The following CAB39 variants were observed in gnomAD, a reference collection of about 807,000 sequenced individuals.
CAB39 encodes calcium-binding protein 39.
CAB39 carries 8 observed loss-of-function variants against 40.0 expected under a neutral mutation model. The observed-to-expected ratio is 0.20, with a 90% CI of 0.12 to 0.36. The LOEUF is 0.36. Among genes scored for constraint, CAB39 ranks in the 10% least tolerant of loss-of-function variants. The pLI is 1.00. For synonymous variants in CAB39, 156 were observed against 141.6 expected (o/e 1.10, Z -0.72); for missense variants, 270 against 401.1 (o/e 0.67, Z 2.79).
rs1396361762 is a variant in CAB39, at chr2:230,742,577, AT to A, written c.-43-17381del. Among the ~76,000 whole-genome samples the A allele has an allele frequency of 5.3e-3, 804 of 151,518 alleles. 2 individuals are homozygous for A. Among genetic ancestry groups the A allele is most frequent in the African/African-American group, 0.014 (593 of 41,156 alleles). On this transcript the variant is annotated intron_variant, in intron 1 of 8. Transcript: ENST00000258418. Reference sequence around the variant, plus strand: ...TATTTGCAAAAAAAAAAAAAAAAAAATCTAAACAGCCAAAGGGATAATGTTC... The same window carrying A: ...TATTTGCAAAAAAAAAAAAAAAAAAACTAAACAGCCAAAGGGATAATGTTC...
chr2:230,760,373 T>C (rs1388832209), intron 2 of CAB39, among the ~76,000 whole-genome samples: 1 of 152,202 alleles, frequency 6.6e-6, no homozygotes, highest in Non-Finnish European at 1.5e-5. Flanking sequence ...TTCTAATTTA[T>C]TTATTTATTA....
At chr2:230,764,716 A>G (rs1478058566) in intron 2 of CAB39, among the ~76,000 whole-genome samples, 2 of 152,234 alleles carry the variant, frequency 1.3e-5, no homozygotes, top group Non-Finnish European at 2.9e-5. Flanking sequence ...GGTTCATTTT[A>G]TTCATTTTAG....
At chr2:230,807,152 A>C (rs544610535) in intron 5 of CAB39, among the ~76,000 whole-genome samples, 1 of 152,212 alleles carries the variant, frequency 6.6e-6, no homozygotes, top group South Asian at 2.1e-4. Flanking sequence ...CATGCACCCT[A>C]AACTTTGCAG....
At chr2:230,792,565 T>C (rs1199578181) in intron 3 of CAB39, among the ~76,000 whole-genome samples, 1 of 152,214 alleles carries the variant, frequency 6.6e-6, no homozygotes, top group Non-Finnish European at 1.5e-5. Context: ...GCTTTCCGAT[T>C]GTAAGATTCA....
intron 2 of CAB39, among the ~76,000 whole-genome samples, chr2:230,778,621 T>C (rs1263372748): frequency 6.6e-6 from 1 of 152,196 alleles, no homozygotes; most frequent in African/African-American, 2.4e-5. Flanking sequence ...CTGTTTTATT[T>C]TTTAATGGGA....
intron 1 of CAB39, among the ~76,000 whole-genome samples, chr2:230,756,858 G>A (rs1238868733): frequency 6.6e-6 from 1 of 151,778 alleles, no homozygotes; most frequent in African/African-American, 2.4e-5. Flanking sequence ...ACGCCCAGCT[G>A]ATTTTTGTAT....
At chr2:230,739,820 A>G (rs555460204) in intron 1 of CAB39, among the ~76,000 whole-genome samples, 8 of 152,322 alleles carry the variant, frequency 5.3e-5, no homozygotes, top group East Asian at 3.9e-4. Context: ...AAATCATGAT[A>G]AAGTCTTTGT....
At chr2:230,765,500 A>T (rs1034843831) in intron 2 of CAB39, among the ~76,000 whole-genome samples, 6 of 152,166 alleles carry the variant, frequency 3.9e-5, no homozygotes, top group Admixed American at 2.6e-4. Context: ...AAGGCTGTGT[A>T]TGAGAGTGGC....
chr2:230,723,936 A>G (rs1315065451), intron 1 of CAB39, among the ~76,000 whole-genome samples: 1 of 152,200 alleles, frequency 6.6e-6, no homozygotes, highest in Non-Finnish European at 1.5e-5. Context: ...CCACATACCA[A>G]TTCAGTATGC....
At chr2:230,768,358 A>G (rs922536120) in intron 2 of CAB39, among the ~76,000 whole-genome samples, 3 of 152,142 alleles carry the variant, frequency 2.0e-5, no homozygotes, top group East Asian at 1.9e-4. Context: ...CTCAAGAGAT[A>G]TTTACTGGTG....
At chr2:230,733,788 T>C (rs879643735) in intron 1 of CAB39, among the ~76,000 whole-genome samples, 2 of 152,212 alleles carry the variant, frequency 1.3e-5, no homozygotes, top group Non-Finnish European at 2.9e-5. Flanking sequence ...GAGCAAATGT[T>C]TCCAAGGGAA....
chr2:230,732,770 A>T (rs1694717604), intron 1 of CAB39, among the ~76,000 whole-genome samples: 1 of 152,146 alleles, frequency 6.6e-6, no homozygotes, highest in African/African-American at 2.4e-5. Flanking sequence ...GATGATAATG[A>T]AGTGTGTGCC....
At chr2:230,720,702 G>A (rs1694434587) in intron 1 of CAB39, among the ~76,000 whole-genome samples, 1 of 152,188 alleles carries the variant, frequency 6.6e-6, no homozygotes, top group African/African-American at 2.4e-5. Flanking sequence ...TTACAGGCGT[G>A]AGCCACCGCG....
chr2:230,810,563 A>G (rs1296133286), intron 6 of CAB39, among the ~76,000 whole-genome samples: 1 of 152,216 alleles, frequency 6.6e-6, no homozygotes, highest in Non-Finnish European at 1.5e-5. Context: ...AAAATAGAGC[A>G]TTTTGCTGCT....
rs73995136 is a variant in CAB39, at chr2:230,739,983, T to C, written c.-43-19976T>C. 1.5e-3 allele frequency among the ~76,000 whole-genome samples: 224 copies of C among 152,310 alleles called. 1 individual carries two copies. Among genetic ancestry groups the C allele is most frequent in the African/African-American group, 5.1e-3 (214 of 41,564 alleles). Reference sequence around the variant, plus strand: ...TCCCCTTAGTGGGTTATGACTAGTATTTACAAGGAAGGGAAGGAGTAGGGC... The same window carrying C: ...TCCCCTTAGTGGGTTATGACTAGTACTTACAAGGAAGGGAAGGAGTAGGGC... On this transcript the variant is annotated intron_variant, in intron 1 of 8. Coordinates refer to ENST00000258418, the MANE Select transcript of CAB39 (RefSeq NM_016289.4).
In CAB39 at chr2:230,810,280, T is replaced by C. The variant is rs1226102676; in HGVS notation, c.585T>C (p.His195=). Reference sequence around the variant, plus strand: ...TTTTGTAGGATTTACTTACAAGACATAAATTGCTCAGTGCAGAATTTTTGG... The same window carrying C: ...TTTTGTAGGATTTACTTACAAGACACAAATTGCTCAGTGCAGAATTTTTGG... ...FATFKDLLTR[H]KLLSAEFLEQ... is the part of the protein sequence containing the mutation. Residue 195 remains histidine, a synonymous_variant, in exon 6 of 9, where the codon CAT becomes CAC. Coordinates refer to ENST00000258418, the MANE Select transcript of CAB39 (RefSeq NM_016289.4). 1 of 1,450,164 alleles carries C rather than the reference T, an allele frequency of 6.9e-7. No individual in the cohort carries two copies. The highest frequency in any genetic ancestry group is 2.1e-5 in the Admixed American group (1 of 48,404). 89.8% of individuals were successfully genotyped at this position (1,450,164 alleles called of 1,614,324 possible). A position where few individuals can be genotyped will look rare whatever the true frequency, so the allele number is the denominator to read the frequency against.
intron 8 of CAB39, 38 bp from the exon 9 acceptor site, chr2:230,818,478 C>A: frequency 6.3e-7 from 1 of 1,582,570 alleles, no homozygotes; most frequent in Non-Finnish European, 8.6e-7. Flanking sequence ...TGCGTTTTGT[C>A]CTTTCTCTGT....
chr2:230,799,708 T>C (rs1424089192), intron 5 of CAB39, among the ~76,000 whole-genome samples: 1 of 152,208 alleles, frequency 6.6e-6, no homozygotes, highest in Non-Finnish European at 1.5e-5. Flanking sequence ...AAACCAATAC[T>C]TGCCAGGCGC....
At chr2:230,775,042 T>G (rs1299228171) in intron 2 of CAB39, among the ~76,000 whole-genome samples, 1 of 152,178 alleles carries the variant, frequency 6.6e-6, no homozygotes, top group African/African-American at 2.4e-5. Context: ...ACAAGGTCAT[T>G]TAATCTCTTC....
Sources: gnomAD v4.1 joint callset for allele counts (sites outside exome capture counted in the v4.1 genomes callset) on GRCh38, gnomAD v4.1.1 for gene constraint, MANE v1.5 for transcripts, NCBI Gene and HGNC (gene_info 2026-07-23, HGNC 2026-07-21) for gene names.